IL5RA: variants seen among roughly 807,000 people sequenced by gnomAD.
The protein encoded by IL5RA is interleukin-5 receptor subunit alpha.
A neutral mutation model predicts 50.0 loss-of-function variants in IL5RA; 49 were observed. The ratio of observed to expected loss-of-function variants is 0.98; its 90% CI spans 0.78 to 1.24. The LOEUF is 1.24. IL5RA is among the 50% of genes most tolerant of loss of function. The pLI is 0.00. For synonymous variants in IL5RA, 202 were observed against 174.0 expected (o/e 1.16, Z -1.26); for missense variants, 600 against 500.4 (o/e 1.20, Z -1.90).
intron 3 of IL5RA, among the ~76,000 whole-genome samples, chr3:3,103,295 C>A (rs78077340): frequency 3.3e-5 from 5 of 152,192 alleles, no homozygotes; most frequent in African/African-American, 4.8e-5. Context: ...TACTATATCA[C>A]TATTCACTAT....
At chr3:3,101,078 C>T (rs904473434) in intron 5 of IL5RA, among the ~76,000 whole-genome samples, 4 of 151,300 alleles carry the variant, frequency 2.6e-5, no homozygotes, top group Non-Finnish European at 5.9e-5. Flanking sequence ...ACTCGGGAGG[C>T]TGTGACATGA....
chr3:3,079,758 G>T (rs9869006), intron 9 of IL5RA, among the ~76,000 whole-genome samples: 1 of 152,178 alleles, frequency 6.6e-6, no homozygotes, highest in African/African-American at 2.4e-5. Flanking sequence ...TTTTTGGGCC[G>T]GGTGTGTTAG....
chr3:3,072,969 C>A (rs986715109), intron 11 of IL5RA, among the ~76,000 whole-genome samples: 9 of 152,272 alleles, frequency 5.9e-5, no homozygotes, highest in Middle Eastern at 6.8e-3. Context: ...CAAGGAGGGA[C>A]TGGCAGCACA....
At chr3:3,079,985 TCACGCAACTG>T (rs1702612275) in intron 9 of IL5RA, among the ~76,000 whole-genome samples, 1 of 151,906 alleles carries the variant, frequency 6.6e-6, no homozygotes, top group Admixed American at 6.6e-5. Flanking sequence ...AGTGAGCCCA[TCACGCAACTG>T]CACTCCAGCC....
chr3:3,101,876 C>T, intron 4 of IL5RA, 46 bp from the exon 5 acceptor site: 1 of 1,515,462 alleles, frequency 6.6e-7, no homozygotes, highest in Non-Finnish European at 9.1e-7. Context: ...GAGAACTAGA[C>T]TTAAGAGAGC....
At chr3:3,098,315 C>G (rs2125980649) in intron 5 of IL5RA, 25 bp from the exon 6 acceptor site, 2 of 1,605,386 alleles carry the variant, frequency 1.2e-6, no homozygotes, top group East Asian at 2.2e-5. Flanking sequence ...GTAAAAAGGA[C>G]AAAACATTGC....
intron 9 of IL5RA, chr3:3,090,403 G>A (rs1345568054): frequency 1.4e-5 from 9 of 627,016 alleles, no homozygotes; most frequent in East Asian, 8.6e-5. Flanking sequence ...AGTTAACGAC[G>A]TGTGTGTGCC....
rs1399882105 is a variant in IL5RA, at chr3:3,110,260, C to T, written c.-461G>A. The T allele has an allele frequency of 6.6e-6, 1 of 152,232 alleles. No individual in the cohort carries two copies. The highest frequency in any genetic ancestry group is 1.9e-4 in the East Asian group (1 of 5,196). The allele number at this position is 152,232 out of a possible 1,614,324, so 9.4% of individuals were successfully genotyped here. On this transcript the variant is annotated 5_prime_UTR_variant, in exon 1 of 12. In the 5' UTR this introduces an upstream ATG that the reference lacks. Transcript: ENST00000446632. ...GATAACTGTCTTGTCTGCATTTTCA[C>T]TCTCTTTCAGAGTTGGTTTGCTCTC...
chr3:3,075,446 T>G (rs1702445779), intron 10 of IL5RA, among the ~76,000 whole-genome samples: 1 of 151,772 alleles, frequency 6.6e-6, no homozygotes, highest in Non-Finnish European at 1.5e-5. Flanking sequence ...CAAGTGATCC[T>G]CCAGCCTCAG....
intron 5 of IL5RA, among the ~76,000 whole-genome samples, chr3:3,099,814 C>T (rs1021876561): frequency 5.9e-5 from 9 of 151,888 alleles, no homozygotes; most frequent in Admixed American, 5.9e-4. Flanking sequence ...GGATTACAGG[C>T]ACGTGCCACC....
intron 2 of IL5RA, among the ~76,000 whole-genome samples, chr3:3,106,439 A>G (rs1396923261): frequency 2.0e-5 from 3 of 152,216 alleles, no homozygotes; most frequent in Non-Finnish European, 4.4e-5. Flanking sequence ...AAGGATCGGC[A>G]TATAAATCAC....
Position 3,081,807 on chromosome 3 carries a change from CA to C in IL5RA, c.995-5181del, listed in dbSNP as rs3840227. On this transcript the variant is annotated intron_variant, in intron 9 of 11. Coordinates refer to ENST00000446632, the MANE Select transcript of IL5RA (RefSeq NM_175726.4). ...TGCATACAAGGTACTACGTGAGAAG[CA>C]AAGTCACGGTCACTGCCGGGAGGGA... Among the ~76,000 whole-genome samples, 118 of 152,258 alleles carry C rather than the reference CA, an allele frequency of 7.7e-4. No individual in the cohort carries two copies. In the East Asian group the frequency reaches 0.02, roughly 26 times the overall value.
intron 9 of IL5RA, among the ~76,000 whole-genome samples, chr3:3,081,815 C>T (rs932997077): frequency 6.6e-6 from 1 of 152,154 alleles, no homozygotes; most frequent in Non-Finnish European, 1.5e-5. Flanking sequence ...AGCAAAGTCA[C>T]GGTCACTGCC....
chr3:3,073,837 C>G (rs548439642), intron 11 of IL5RA: 4 of 435,906 alleles, frequency 9.2e-6, no homozygotes, highest in African/African-American at 4.1e-5. Context: ...CTACAATAAC[C>G]AAAACAAATT....
chr3:3,091,521 C>G (rs1439584399), intron 9 of IL5RA, among the ~76,000 whole-genome samples: 1 of 152,134 alleles, frequency 6.6e-6, no homozygotes. Context: ...CACCTGAAGT[C>G]AGGAGTTCGA....
At chr3:3,090,206 A>G (rs1161152495) in intron 9 of IL5RA, 2 of 1,611,462 alleles carry the variant, frequency 1.2e-6, no homozygotes, top group East Asian at 2.2e-5. Context: ...TTTATTTCAG[A>G]TACGGTGTGG....
intron 2 of IL5RA, among the ~76,000 whole-genome samples, chr3:3,106,755 A>G (rs1394152362): frequency 6.6e-6 from 1 of 152,178 alleles, no homozygotes; most frequent in Non-Finnish European, 1.5e-5. Flanking sequence ...ATTTCTTAAA[A>G]TGTCAGCATT....
Position 3,070,232 on chromosome 3 carries a change from A to T in IL5RA, c.1256T>A (p.Val419Glu). The T allele has an allele frequency of 6.2e-7, 1 of 1,610,048 alleles. No individual in the cohort carries two copies. The highest frequency in any genetic ancestry group is 8.5e-7 in the Non-Finnish European group (1 of 1,176,692). ...KPGVETLEDS[V>E]F is the part of the protein sequence containing the mutation. The stretch of plus-strand genomic sequence containing the variant: ...AGGATGCCAAAGTGACAGTCAAAAC[A>T]CAGAATCCTCCAGGGTCTCAACTCC... The change falls in exon 12 of 12, where the codon GTG becomes GAG. Residue 419 changes from valine (V) to glutamate (E), a missense_variant. By Grantham distance (121) the Val-to-Glu change is moderately radical (BLOSUM62 -2). Transcript: ENST00000446632.
Position 3,092,812 on chromosome 3 carries a change from TCGC to T in IL5RA, c.856-453_856-451del, listed in dbSNP as rs1287923715. On this transcript the variant is annotated intron_variant, in intron 8 of 11. Transcript: ENST00000446632. This position sits in a 1 kb window ranked among gnomAD's most constrained non-coding sequence, Gnocchi z 4.2. ...TTCTTTTTCCTTCTACTGATCATGG[TCGC>T]CACCATCCAGCTAGTCCCCTGTACC... is the stretch of plus-strand genomic sequence containing the variant. 2.6e-5 allele frequency among the ~76,000 whole-genome samples: 4 copies of T among 152,218 alleles called. No individual in the cohort carries two copies. Among genetic ancestry groups the T allele is most frequent in the African/African-American group, 9.6e-5 (4 of 41,460 alleles).
Sources: allele counts gnomAD v4.1 joint callset (sites outside exome capture counted in the v4.1 genomes callset), GRCh38; gene constraint gnomAD v4.1.1; non-coding constraint Gnocchi (gnomAD v3.1); transcripts MANE v1.5; gene names NCBI Gene and HGNC (gene_info 2026-07-23, HGNC 2026-07-21).